The following CUL1 variants were observed in gnomAD, a reference collection of about 807,000 sequenced individuals.
The protein encoded by CUL1 is cullin-1.
CUL1 carries 24 observed loss-of-function variants against 118.0 expected under a neutral mutation model. That is an observed-to-expected ratio of 0.20 (90% CI 0.15 to 0.29). CUL1 has a LOEUF of 0.29. Among genes scored for constraint, CUL1 ranks in the 10% least tolerant of loss-of-function variants. The pLI is 1.00. For missense variants in CUL1, 361 were observed against 933.8 expected (o/e 0.39, Z 7.99); for synonymous variants, 332 against 340.4 (o/e 0.98, Z 0.27).
intron 16 of CUL1, among the ~76,000 whole-genome samples, chr7:148,792,489 C>A (rs1801049023): frequency 6.6e-6 from 1 of 152,064 alleles, no homozygotes; most frequent in Non-Finnish European, 1.5e-5. Context: ...TTAAAAAAAA[C>A]CCTCAAATTA....
At chr7:148,706,608 C>T (rs879626786) in intron 1 of CUL1, among the ~76,000 whole-genome samples, 2 of 134,388 alleles carry the variant, frequency 1.5e-5, no homozygotes, top group Non-Finnish European at 3.0e-5. Flanking sequence ...ATTGGCTCTT[C>T]AGTAGTGCCT....
At chr7:148,711,923 T>C (rs1798067036) in intron 1 of CUL1, among the ~76,000 whole-genome samples, 1 of 152,220 alleles carries the variant, frequency 6.6e-6, no homozygotes, top group Non-Finnish European at 1.5e-5. Flanking sequence ...AAGGGCATCC[T>C]TTACGGAAGT....
chr7:148,711,246 C>A (rs1324955657), intron 1 of CUL1, among the ~76,000 whole-genome samples: 1 of 152,194 alleles, frequency 6.6e-6, no homozygotes, highest in African/African-American at 2.4e-5. Context: ...CTAAAAAGTT[C>A]TTAGTACTTG....
chr7:148,719,317 A>T (rs937890505), intron 1 of CUL1, among the ~76,000 whole-genome samples: 2 of 136,932 alleles, frequency 1.5e-5, no homozygotes. Context: ...TCAAAAAAAA[A>T]AAATAAAATA....
intron 2 of CUL1, among the ~76,000 whole-genome samples, chr7:148,741,448 C>T (rs201030728): frequency 1.2e-5 from 1 of 86,768 alleles, no homozygotes; most frequent in South Asian, 5.5e-4. Context: ...TAGTTATTTA[C>T]TTACTTATTT....
chr7:148,775,900 G>T (rs889100917), intron 9 of CUL1, among the ~76,000 whole-genome samples: 4 of 151,652 alleles, frequency 2.6e-5, no homozygotes, highest in African/African-American at 9.7e-5. Flanking sequence ...GTCGGTAATG[G>T]CCTGTAAGTA....
At chr7:148,783,753 CTT>C (rs1563168249) in intron 9 of CUL1, 28 bp from the exon 10 acceptor site, 18 of 1,609,644 alleles carry the variant, frequency 1.1e-5, no homozygotes, top group Non-Finnish European at 1.5e-5. Flanking sequence ...CAATAACCAA[CTT>C]TTGTTTCTAT....
chr7:148,795,524 T>C (rs1584824886), intron 17 of CUL1, among the ~76,000 whole-genome samples: 1 of 151,956 alleles, frequency 6.6e-6, no homozygotes, highest in Non-Finnish European at 1.5e-5. Flanking sequence ...CCCAGCACTT[T>C]GGGAGCCCGA....
intron 1 of CUL1, among the ~76,000 whole-genome samples, chr7:148,728,997 A>T (rs1406612760): frequency 6.6e-6 from 1 of 152,194 alleles, no homozygotes; most frequent in Non-Finnish European, 1.5e-5. Context: ...GTGTTTCTTG[A>T]TTTACACTAG....
At chr7:148,799,500 G>T (rs1801317394) in intron 21 of CUL1, 112 bp downstream of exon 21, 1 of 679,784 alleles carries the variant, frequency 1.5e-6, no homozygotes, top group South Asian at 1.9e-5. Flanking sequence ...TGGCTTCTTT[G>T]TATGTAGATT....
intron 4 of CUL1, 21 bp downstream of exon 4, chr7:148,757,171 C>T (rs774124302): frequency 7.8e-6 from 11 of 1,402,998 alleles, no homozygotes; most frequent in East Asian, 2.7e-5. Context: ...TGTTTTAAAA[C>T]GTTTTAAATT....
intron 7 of CUL1, among the ~76,000 whole-genome samples, chr7:148,765,496 G>A (rs897716351): frequency 6.6e-6 from 1 of 152,066 alleles, no homozygotes; most frequent in Non-Finnish European, 1.5e-5. Context: ...CGGGTATGGC[G>A]GCATGCACCT....
intron 9 of CUL1, among the ~76,000 whole-genome samples, chr7:148,781,409 A>G (rs1424293381): frequency 2.0e-5 from 3 of 152,214 alleles, no homozygotes; most frequent in East Asian, 3.9e-4. Context: ...CTTTTCCTTT[A>G]GTAGGTTCCA....
intron 2 of CUL1, among the ~76,000 whole-genome samples, chr7:148,751,729 G>A (rs1177210008): frequency 7.2e-5 from 11 of 151,812 alleles, no homozygotes; most frequent in Non-Finnish European, 8.8e-5. Context: ...GTAAATGTGC[G>A]TTACACAGTA....
intron 2 of CUL1, among the ~76,000 whole-genome samples, chr7:148,742,259 G>A (rs1563156023): frequency 6.6e-6 from 1 of 152,154 alleles, no homozygotes; most frequent in Non-Finnish European, 1.5e-5. Flanking sequence ...AAGGAAAGAG[G>A]TTTAACGGAC....
chr7:148,750,578 C>T (rs971973152), intron 2 of CUL1, among the ~76,000 whole-genome samples: 2 of 152,056 alleles, frequency 1.3e-5, no homozygotes, highest in African/African-American at 4.8e-5. Flanking sequence ...TGATAGTTTG[C>T]TCAGAATGAT....
chr7:148,755,058 G>A (rs951198627), intron 3 of CUL1, among the ~76,000 whole-genome samples: 4 of 152,186 alleles, frequency 2.6e-5, no homozygotes, highest in Non-Finnish European at 5.9e-5. Flanking sequence ...TGGCCATGAC[G>A]TGTATTTCAA....
intron 1 of CUL1, among the ~76,000 whole-genome samples, chr7:148,710,079 C>T (rs1798002671): frequency 6.6e-6 from 1 of 152,010 alleles, no homozygotes; most frequent in African/African-American, 2.4e-5. Flanking sequence ...AGAGTGAAAC[C>T]CTGTGTCAAA....
Position 148,800,454 on chromosome 7 carries a change from GT to G in CUL1, c.2251-43del. 6.7e-7 allele frequency: 1 copy of G among 1,490,230 alleles called. No individual in the cohort carries two copies. The highest frequency in any genetic ancestry group is 1.1e-5 in the South Asian group (1 of 88,112). The allele number at this position is 1,490,230 out of a possible 1,614,324, so 92.3% of individuals were successfully genotyped here. A position where few individuals can be genotyped will look rare whatever the true frequency, so the allele number is the denominator to read the frequency against. On this transcript the variant is annotated intron_variant, in intron 21 of 21. Transcript: ENST00000325222. This position sits in a 1 kb window ranked among gnomAD's most constrained non-coding sequence, Gnocchi z 4.6. ...TCTCTCTGTTCTGATGATAATTTGTGTTTTTCTTCTCTTTCACTACCTCTTC... is the reference window on the plus strand; with the variant it reads ...TCTCTCTGTTCTGATGATAATTTGTGTTTTCTTCTCTTTCACTACCTCTTC...
Sources: gnomAD v4.1 joint callset for allele counts (sites outside exome capture counted in the v4.1 genomes callset) on GRCh38, gnomAD v4.1.1 for gene constraint, Gnocchi (gnomAD v3.1) non-coding constraint, MANE v1.5 for transcripts, NCBI Gene and HGNC (gene_info 2026-07-23, HGNC 2026-07-21) for gene names.